Variants in GSG1L observed in about 807,000 individuals in gnomAD.
GSG1L encodes germ cell-specific gene 1-like protein.
A neutral mutation model predicts 42.1 loss-of-function variants in GSG1L; 24 were observed. That is an observed-to-expected ratio of 0.57 (90% CI 0.41 to 0.80). The LOEUF (loss-of-function observed/expected upper bound fraction) is 0.80, where lower values mean the gene tolerates loss of function less well. Among genes scored for constraint, GSG1L ranks in the 30% least tolerant of loss-of-function variants. The pLI is 0.00. For synonymous variants in GSG1L, 215 were observed against 203.5 expected, an observed-to-expected ratio of 1.06 and a Z score of -0.48; for missense variants, 445 against 472.2, an observed-to-expected ratio of 0.94 and a Z score of 0.53.
In GSG1L at chr16:28,050,729, A is replaced by G. The variant is rs2086213195; in HGVS notation, c.349+12347T>C. On this transcript the variant is annotated intron_variant, in intron 1 of 6. Coordinates refer to ENST00000447459, the MANE Select transcript of GSG1L (RefSeq NM_001109763.2). ...TTATGGCTTATGCTGTCAAGAGCCT[A>G]TTAGCCTTCACCAACTCAGAGGAGC... Among the ~76,000 whole-genome samples, 4 of 152,180 alleles carry G rather than the reference A, an allele frequency of 2.6e-5. No individual in the cohort carries two copies. The South Asian group carries it at 8.3e-4, about 32-fold the overall frequency.
At chr16:27,830,864 T>C (rs1425813139) in intron 4 of GSG1L, among the ~76,000 whole-genome samples, 2 of 152,180 alleles carry the variant, frequency 1.3e-5, no homozygotes, top group Non-Finnish European at 2.9e-5. Flanking sequence ...ATTCCATGAG[T>C]AAGGAGTATG....
chr16:27,882,184 G>A (rs1301615294), intron 3 of GSG1L, among the ~76,000 whole-genome samples: 2 of 152,148 alleles, frequency 1.3e-5, no homozygotes, highest in African/African-American at 4.8e-5. Flanking sequence ...ATGAAGAGCA[G>A]TTCCCCTGCA....
At chr16:27,803,775 A>C (rs1407906303) in intron 6 of GSG1L, among the ~76,000 whole-genome samples, 1 of 68,194 alleles carries the variant, frequency 1.5e-5, no homozygotes. Flanking sequence ...ACATATATAT[A>C]TATATATATA....
intron 1 of GSG1L, among the ~76,000 whole-genome samples, chr16:27,966,868 A>G (rs1367924249): frequency 1.2e-4 from 19 of 152,222 alleles, no homozygotes; most frequent in Admixed American, 1.2e-3. Context: ...AGCTGTGCTG[A>G]GCCCACAATC....
chr16:28,012,464 G>A (rs1163591548), intron 1 of GSG1L, among the ~76,000 whole-genome samples: 1 of 152,088 alleles, frequency 6.6e-6, no homozygotes, highest in Non-Finnish European at 1.5e-5. Flanking sequence ...TATTTAACAT[G>A]TGTAGACAGA....
At chr16:27,923,362 A>C (rs1189334226) in intron 2 of GSG1L, among the ~76,000 whole-genome samples, 1 of 152,200 alleles carries the variant, frequency 6.6e-6, no homozygotes, top group Non-Finnish European at 1.5e-5. Flanking sequence ...ACCTTTTGTC[A>C]AAGTCCTGTC....
intron 5 of GSG1L, among the ~76,000 whole-genome samples, chr16:27,817,142 C>T (rs566653431): frequency 3.9e-4 from 59 of 152,316 alleles, no homozygotes; most frequent in African/African-American, 1.4e-3. Context: ...CACTAGGAGG[C>T]CACACTGTAC....
chr16:28,043,981 C>T (rs1023115426), intron 1 of GSG1L, among the ~76,000 whole-genome samples: 2 of 151,666 alleles, frequency 1.3e-5, no homozygotes, highest in African/African-American at 4.9e-5. Context: ...ATGATTGTGC[C>T]ATTGCACTCC....
At chr16:27,796,159 G>A (rs1239800294) in intron 6 of GSG1L, among the ~76,000 whole-genome samples, 1 of 152,152 alleles carries the variant, frequency 6.6e-6, no homozygotes, top group African/African-American at 2.4e-5. Flanking sequence ...TCCCTTTACA[G>A]GGAAGTTCCT....
At chr16:27,885,330 A>G (rs1238083182) in intron 2 of GSG1L, among the ~76,000 whole-genome samples, 1 of 151,728 alleles carries the variant, frequency 6.6e-6, no homozygotes, top group East Asian at 1.9e-4. Context: ...TTTATTTTTT[A>G]TAGAGATGGG....
intron 1 of GSG1L, among the ~76,000 whole-genome samples, chr16:27,963,542 C>G (rs190708559): frequency 6.6e-6 from 1 of 152,182 alleles, no homozygotes; most frequent in African/African-American, 2.4e-5. Flanking sequence ...TCATTCTCCA[C>G]GCTGCAGCTG....
At chr16:27,836,364 G>C (rs2083320583) in intron 4 of GSG1L, among the ~76,000 whole-genome samples, 1 of 151,158 alleles carries the variant, frequency 6.6e-6, no homozygotes, top group African/African-American at 2.4e-5. Context: ...CTATTTTAGA[G>C]ATTCATTCAG....
intron 1 of GSG1L, among the ~76,000 whole-genome samples, chr16:28,028,932 T>C (rs1424599812): frequency 1.3e-5 from 2 of 152,194 alleles, no homozygotes; most frequent in Non-Finnish European, 1.5e-5. Flanking sequence ...CAGTGACCAA[T>C]AGCCAGCTAG....
intron 3 of GSG1L, among the ~76,000 whole-genome samples, chr16:27,854,164 A>T (rs2083546464): frequency 6.7e-6 from 1 of 148,500 alleles, no homozygotes; most frequent in African/African-American, 2.5e-5. Flanking sequence ...CCTGGAGGGG[A>T]CTGGGACGCA....
chr16:27,992,616 T>C (rs2085468619), intron 1 of GSG1L, among the ~76,000 whole-genome samples: 1 of 152,210 alleles, frequency 6.6e-6, no homozygotes, highest in South Asian at 2.1e-4. Flanking sequence ...AGAAGCCAGA[T>C]TTGTGAGCCT....
intron 3 of GSG1L, among the ~76,000 whole-genome samples, chr16:27,865,571 A>G (rs1224621997): frequency 4.5e-4 from 3 of 6,634 alleles, no homozygotes; most frequent in Non-Finnish European, 2.7e-4. Flanking sequence ...ATATATATAT[A>G]TACACACACA....
At chr16:27,946,591 G>A (rs867328862) in intron 2 of GSG1L, among the ~76,000 whole-genome samples, 470 of 16,202 alleles carry the variant, frequency 0.029, 2 homozygotes, top group South Asian at 0.037. Flanking sequence ...GAGAGAGAGA[G>A]AGAGAGAGAG....
At chr16:27,796,072 G>A (rs2082814729) in intron 6 of GSG1L, among the ~76,000 whole-genome samples, 2 of 152,182 alleles carry the variant, frequency 1.3e-5, no homozygotes, top group Admixed American at 6.5e-5. Flanking sequence ...TCTGCAGCTG[G>A]CAGAGTGAGG....
intron 3 of GSG1L, among the ~76,000 whole-genome samples, chr16:27,878,471 C>T (rs2083914596): frequency 6.6e-6 from 1 of 152,192 alleles, no homozygotes; most frequent in Non-Finnish European, 1.5e-5. Context: ...CCCCATGACT[C>T]AGTTACCTCT....
Sources: allele counts gnomAD v4.1 joint callset (sites outside exome capture counted in the v4.1 genomes callset), GRCh38; gene constraint gnomAD v4.1.1; transcripts MANE v1.5; gene names NCBI Gene and HGNC (gene_info 2026-07-23, HGNC 2026-07-21).